The following MCC variants were observed in gnomAD, a reference collection of about 807,000 sequenced individuals.
The protein encoded by MCC is MCC regulator of Wnt signaling pathway.
In MCC, 90 loss-of-function variants were observed where a neutral mutation model predicts 116.2. That is an observed-to-expected ratio of 0.77 (90% CI 0.65 to 0.92). The LOEUF is 0.92. Ranked by LOEUF, MCC falls within the 40% of genes least tolerant of loss-of-function variation. The probability of loss-of-function intolerance (pLI) is 0.00; values close to 1 mark genes in which losing one functional copy is unlikely to be tolerated. For missense variants in MCC, 1,516 were observed against 1,312.2 expected, an observed-to-expected ratio of 1.16 and a Z score of -2.40; for synonymous variants, 578 against 510.5, an observed-to-expected ratio of 1.13 and a Z score of -1.78.
At chr5:113,327,227 T>G (rs1767577917) in intron 3 of MCC, among the ~76,000 whole-genome samples, 1 of 151,808 alleles carries the variant, frequency 6.6e-6, no homozygotes, top group South Asian at 2.1e-4. Context: ...TAGGTATGTG[T>G]GTGTTGGGGG....
At chr5:113,476,152 T>A (rs1351145095) in intron 1 of MCC, among the ~76,000 whole-genome samples, 1 of 152,208 alleles carries the variant, frequency 6.6e-6, no homozygotes, top group Non-Finnish European at 1.5e-5. Flanking sequence ...ACACAATCCT[T>A]ATAAAACTCT....
intron 3 of MCC, among the ~76,000 whole-genome samples, chr5:113,187,751 A>G (rs1761964669): frequency 2.9e-5 from 1 of 34,694 alleles, no homozygotes; most frequent in African/African-American, 6.4e-5. Context: ...TGAGACTCCA[A>G]CTCAAAAAAA....
chr5:113,121,011 T>C (rs1003490150), intron 6 of MCC, among the ~76,000 whole-genome samples: 1 of 152,248 alleles, frequency 6.6e-6, no homozygotes, highest in Non-Finnish European at 1.5e-5. Context: ...ATGTGCCCTA[T>C]TGGCGAATGG....
chr5:113,210,517 G>A (rs1581256633), intron 3 of MCC, among the ~76,000 whole-genome samples: 1 of 152,336 alleles, frequency 6.6e-6, no homozygotes, highest in East Asian at 1.9e-4. Context: ...GTGCAATTGG[G>A]ATTGAGAAAG....
At position 113,434,452 on chromosome 5, in the gene MCC, G is replaced by A. The variant is rs1243873953; in HGVS notation, c.171-49240C>T. On this transcript the variant is annotated intron_variant, in intron 1 of 18. Coordinates refer to ENST00000408903, the MANE Select transcript of MCC (RefSeq NM_001085377.2). This position sits in a 1 kb window ranked among gnomAD's most constrained non-coding sequence, Gnocchi z 4.2. ...TTGAGGTCCCGGTGGACGACGTCCA[G>A]GTCGTGGCAGTACTTGATGGCCAAG... 11 of 1,613,618 alleles carry A rather than the reference G, an allele frequency of 6.8e-6. No homozygotes were observed. The highest frequency in any genetic ancestry group is 8.5e-6 in the Non-Finnish European group (10 of 1,179,924).
At chr5:113,220,063 C>T (rs7712851) in intron 3 of MCC, among the ~76,000 whole-genome samples, 29,942 of 69,970 alleles carry the variant, frequency 0.43, 11,034 homozygotes, top group Non-Finnish European at 0.82. Context: ...ATTTCTTTTT[C>T]TTTTTTTTTT....
intron 8 of MCC, chr5:113,101,526 G>A (rs945783064): frequency 7.0e-6 from 4 of 569,716 alleles, no homozygotes; most frequent in Non-Finnish European, 1.2e-5. Flanking sequence ...TAAGATTCCA[G>A]AGAAAAGTGT....
chr5:113,048,128 T>C (rs1372228193), intron 16 of MCC, among the ~76,000 whole-genome samples: 1 of 152,224 alleles, frequency 6.6e-6, no homozygotes, highest in Non-Finnish European at 1.5e-5. Flanking sequence ...ATTTTTCTCA[T>C]GTAAATGGGG....
chr5:113,479,446 T>C (rs779840522), intron 1 of MCC, among the ~76,000 whole-genome samples: 1 of 152,148 alleles, frequency 6.6e-6, no homozygotes, highest in Non-Finnish European at 1.5e-5. Flanking sequence ...TTAAATGGGT[T>C]CCTTTTATTG....
At chr5:113,208,752 C>T (rs1356128753) in intron 3 of MCC, among the ~76,000 whole-genome samples, 2 of 152,136 alleles carry the variant, frequency 1.3e-5, no homozygotes, top group Non-Finnish European at 2.9e-5. Flanking sequence ...ATCTTTGTTT[C>T]TTAAATGCTT....
intron 11 of MCC, among the ~76,000 whole-genome samples, chr5:113,078,564 A>C (rs915143975): frequency 6.6e-6 from 1 of 152,216 alleles, no homozygotes; most frequent in African/African-American, 2.4e-5. Context: ...AAACCACACG[A>C]TTATCTCAAT....
intron 3 of MCC, among the ~76,000 whole-genome samples, chr5:113,229,029 G>A (rs1055418121): frequency 6.6e-6 from 1 of 152,170 alleles, no homozygotes; most frequent in Non-Finnish European, 1.5e-5. Flanking sequence ...AAGATGAAGA[G>A]GCAGCTGAAT....
intron 6 of MCC, among the ~76,000 whole-genome samples, chr5:113,114,662 T>C (rs1297998444): frequency 6.6e-6 from 1 of 152,118 alleles, no homozygotes; most frequent in Non-Finnish European, 1.5e-5. Context: ...CAGCTGGATG[T>C]CAGAAACTGT....
At position 113,129,862 on chromosome 5, in the gene MCC, T is replaced by C. The variant is rs543231902; in HGVS notation, c.885-7036A>G. 9.9e-5 allele frequency among the ~76,000 whole-genome samples: 15 copies of C among 152,246 alleles called. No homozygotes were observed. The East Asian group carries it at 2.5e-3, about 26-fold the overall frequency. On this transcript the variant is annotated intron_variant, in intron 5 of 18. Coordinates refer to ENST00000408903, the MANE Select transcript of MCC (RefSeq NM_001085377.2). ...AGATGCTGGAGAGGATGTGGAGAAA[T>C]AGGAACACTTTTACACTGTTGGTGG... is the stretch of plus-strand genomic sequence containing the variant.
chr5:113,120,456 G>A (rs1757673547), intron 6 of MCC, among the ~76,000 whole-genome samples: 1 of 152,146 alleles, frequency 6.6e-6, no homozygotes. Flanking sequence ...CCAGACTACT[G>A]ATCGCTCCTT....
rs556736400 is a variant in MCC, at chr5:113,399,492, T to A, written c.171-14280A>T. Among the ~76,000 whole-genome samples, 468 of 151,506 alleles carry A rather than the reference T, an allele frequency of 3.1e-3. 1 individual carries two copies. Among genetic ancestry groups the A allele is most frequent in the African/African-American group, 2.2e-3 (90 of 41,376 alleles). On this transcript the variant is annotated intron_variant, in intron 1 of 18. Transcript: ENST00000408903. ...AGAGCAAGACTCTGTCTCAAAAAAA[T>A]AAATAAATAAATAAAAGTCAGTTAT...
At chr5:113,058,416 CCA>C (rs1348083018) in intron 14 of MCC, among the ~76,000 whole-genome samples, 3 of 152,182 alleles carry the variant, frequency 2.0e-5, no homozygotes, top group East Asian at 3.8e-4. Flanking sequence ...GTCAAGACCT[CCA>C]CAGTCAGGAA....
At chr5:113,433,610 G>T in intron 1 of MCC, 1 of 1,224,878 alleles carries the variant, frequency 8.2e-7, no homozygotes, top group South Asian at 1.6e-5. Flanking sequence ...CAAGGGGAGA[G>T]AGAAGAAGCT....
intron 3 of MCC, chr5:113,294,197 T>C: frequency 9.1e-7 from 1 of 1,100,614 alleles, no homozygotes; most frequent in South Asian, 1.7e-5. Flanking sequence ...CTACTAATCT[T>C]CAATTGCGCT....
Sources: allele counts gnomAD v4.1 joint callset (sites outside exome capture counted in the v4.1 genomes callset), GRCh38; gene constraint gnomAD v4.1.1; non-coding constraint Gnocchi (gnomAD v3.1); transcripts MANE v1.5; gene names NCBI Gene and HGNC (gene_info 2026-07-23, HGNC 2026-07-21).